The following FBXO4 variants were observed in gnomAD, a reference collection of about 807,000 sequenced individuals.
FBXO4 encodes the protein F-box only protein 4.
Under a neutral mutation model 43.7 loss-of-function variants are expected in FBXO4, and 36 were observed. The ratio of observed to expected loss-of-function variants is 0.82; its 90% CI spans 0.63 to 1.09. The LOEUF (loss-of-function observed/expected upper bound fraction) is 1.09. Ranked by LOEUF, FBXO4 falls within the 50% of genes least tolerant of loss-of-function variation. The pLI is 0.00. For synonymous variants in FBXO4, 180 were observed against 165.6 expected (o/e 1.09, Z -0.67); for missense variants, 435 against 474.1 (o/e 0.92, Z 0.77).
At chr5:42,001,830 A>G in the FBXO4 span, among the ~76,000 whole-genome samples, 1 of 152,084 alleles carries the variant, frequency 6.6e-6, no homozygotes, top group South Asian at 2.1e-4. Flanking sequence ...AGTTGGGACT[A>G]CAGCGCCACC....
the FBXO4 span, among the ~76,000 whole-genome samples, chr5:41,979,615 G>C: frequency 4.6e-5 from 7 of 152,210 alleles, no homozygotes. Flanking sequence ...GAGGTAGGAA[G>C]AGATGAACAC....
At chr5:42,014,676 C>T in the FBXO4 span, among the ~76,000 whole-genome samples, 1 of 152,072 alleles carries the variant, frequency 6.6e-6, no homozygotes, top group Non-Finnish European at 1.5e-5. Context: ...CCTTAGAGAG[C>T]ACACAATACA....
chr5:41,945,781 C>T (rs1183576324), downstream of FBXO4, among the ~76,000 whole-genome samples: 2 of 152,164 alleles, frequency 1.3e-5, no homozygotes, highest in Non-Finnish European at 2.9e-5. Flanking sequence ...GGCATACTCC[C>T]TTCTGAAAAT....
chr5:41,993,079 C>CTTAGTAGCA, the FBXO4 span, among the ~76,000 whole-genome samples: 1 of 152,072 alleles, frequency 6.6e-6, no homozygotes, highest in African/African-American at 2.4e-5. Context: ...TGAAGTATTA[C>CTTAGTAGCA]TTAGTAGCAT....
intron 5 of FBXO4, among the ~76,000 whole-genome samples, chr5:41,937,038 C>T (rs1246896928): frequency 6.6e-6 from 1 of 151,960 alleles, no homozygotes; most frequent in African/African-American, 2.4e-5. Flanking sequence ...AGTAGGCTGA[C>T]CCCTGATCTA....
At chr5:41,978,009 T>G in the FBXO4 span, among the ~76,000 whole-genome samples, 2 of 152,142 alleles carry the variant, frequency 1.3e-5, no homozygotes, top group Non-Finnish European at 2.9e-5. Flanking sequence ...CAGGCTTAAT[T>G]AGCACACAGT....
At chr5:41,995,230 G>A in the FBXO4 span, among the ~76,000 whole-genome samples, 13 of 152,298 alleles carry the variant, frequency 8.5e-5, no homozygotes, top group African/African-American at 2.9e-4. Flanking sequence ...CAGTGAATAA[G>A]GCATTCCGTG....
chr5:42,035,157 T>C, the FBXO4 span, among the ~76,000 whole-genome samples: 1 of 152,110 alleles, frequency 6.6e-6, no homozygotes, highest in African/African-American at 2.4e-5. Flanking sequence ...TTGTGATTTT[T>C]GCACATTGAT....
At chr5:42,020,634 C>T in the FBXO4 span, among the ~76,000 whole-genome samples, 2 of 152,138 alleles carry the variant, frequency 1.3e-5, no homozygotes, top group South Asian at 4.2e-4. Flanking sequence ...CTCTGTTCTG[C>T]CCTGCTTATC....
chr5:42,036,486 C>G, the FBXO4 span, among the ~76,000 whole-genome samples: 1 of 152,052 alleles, frequency 6.6e-6, no homozygotes, highest in East Asian at 1.9e-4. Flanking sequence ...TAAAACGGGT[C>G]GTTAGCTCTT....
the FBXO4 span, among the ~76,000 whole-genome samples, chr5:41,950,419 C>A: frequency 6.6e-6 from 1 of 152,286 alleles, no homozygotes; most frequent in Non-Finnish European, 1.5e-5. Context: ...AGATCAGACA[C>A]TTCTCAAAAG....
At chr5:41,973,346 T>A in the FBXO4 span, among the ~76,000 whole-genome samples, 1 of 152,048 alleles carries the variant, frequency 6.6e-6, no homozygotes, top group African/African-American at 2.4e-5. Context: ...ATTACAGAAA[T>A]GCAAATCAAA....
At chr5:41,994,162 T>G in the FBXO4 span, among the ~76,000 whole-genome samples, 1 of 152,136 alleles carries the variant, frequency 6.6e-6, no homozygotes, top group Admixed American at 6.6e-5. Flanking sequence ...CAACTATCCT[T>G]CGTACAACCA....
chr5:41,966,235 A>G, the FBXO4 span, among the ~76,000 whole-genome samples: 1 of 152,178 alleles, frequency 6.6e-6, no homozygotes, highest in Non-Finnish European at 1.5e-5. Context: ...AACATGGCAC[A>G]TATATACATA....
the FBXO4 span, among the ~76,000 whole-genome samples, chr5:42,017,478 T>G: frequency 6.6e-6 from 1 of 152,032 alleles, no homozygotes; most frequent in African/African-American, 2.4e-5. Flanking sequence ...GAGGTACATG[T>G]GCAGGTTTGT....
the FBXO4 span, chr5:41,951,979 C>T: frequency 3.0e-6 from 1 of 328,366 alleles, no homozygotes; most frequent in Non-Finnish European, 5.9e-6. Flanking sequence ...CTGACATCAG[C>T]AGGGTTTCCA....
At chr5:41,962,895 A>G in the FBXO4 span, among the ~76,000 whole-genome samples, 2 of 152,168 alleles carry the variant, frequency 1.3e-5, no homozygotes, top group Non-Finnish European at 2.9e-5. Context: ...CATTTATCTG[A>G]CAGCTTTCTC....
At chr5:42,031,547 CATG>C in the FBXO4 span, among the ~76,000 whole-genome samples, 1 of 151,632 alleles carries the variant, frequency 6.6e-6, no homozygotes, top group Non-Finnish European at 1.5e-5. Flanking sequence ...CAACATGGCA[CATG>C]TATACATATG....
At chr5:41,958,705 A>G in the FBXO4 span, among the ~76,000 whole-genome samples, 2 of 152,214 alleles carry the variant, frequency 1.3e-5, no homozygotes, top group African/African-American at 4.8e-5. Flanking sequence ...AGGTTCATCC[A>G]TGTTATCACA....
Sources: gnomAD v4.1 joint callset for allele counts (sites outside exome capture counted in the v4.1 genomes callset) on GRCh38, gnomAD v4.1.1 for gene constraint, MANE v1.5 for transcripts, NCBI Gene and HGNC (gene_info 2026-07-23, HGNC 2026-07-21) for gene names.